Variants in NRAP observed in about 807,000 individuals in gnomAD.
The protein encoded by NRAP is nebulin-related-anchoring protein.
In NRAP, 189 loss-of-function variants were observed where a neutral mutation model predicts 225.9. The observed-to-expected ratio is 0.84, with a 90% confidence interval of 0.74 to 0.94. NRAP has a LOEUF of 0.94. Ranked by LOEUF, NRAP falls within the 40% of genes least tolerant of loss-of-function variation. The probability of loss-of-function intolerance (pLI) is 0.00; values close to 1 mark genes in which losing one functional copy is unlikely to be tolerated. For missense variants in NRAP, 2,176 were observed against 2,168.7 expected, an observed-to-expected ratio of 1.00 and a Z score of -0.07; for synonymous variants, 769 against 790.7, an observed-to-expected ratio of 0.97 and a Z score of 0.46.
chr10:113,617,551 C>A lies in NRAP; in HGVS notation c.2877G>T (p.Lys959Asn). Residue 959 changes from lysine to asparagine, a missense_variant and splice_region_variant, in exon 26 of 42, where the codon AAG (lysine) becomes AAT (asparagine). By Grantham distance (94) the Lys-to-Asn change is moderately conservative (BLOSUM62 0). Around this residue, in one of 3 missense-constraint regions of NRAP, gnomAD observed 1,708 missense variants for 1,695.5 expected, o/e 1.01. Transcript: ENST00000359988. ...AKKAGELISE[K>N]KYRQHPDALK... ...AAGCATCTGGATGCTGACGGTACTT[C>A]TTCTGTTGAGCAGAAAAAGATCAAA... The A allele has an allele frequency of 1.3e-6, 2 of 1,588,602 alleles. No individual in the cohort carries two copies. Among genetic ancestry groups the A allele is most frequent in the Non-Finnish European group, 1.7e-6 (2 of 1,156,760 alleles).
chr10:113,616,543 C>T (rs967654589), intron 26 of NRAP, among the ~76,000 whole-genome samples: 1 of 152,188 alleles, frequency 6.6e-6, no homozygotes, highest in Non-Finnish European at 1.5e-5. Flanking sequence ...CAGTTTGATT[C>T]TGATGGGCTG....
chr10:113,612,280 T>C lies in NRAP; in HGVS notation c.3452A>G (p.Asp1151Gly). The change falls in exon 30 of 42, where the codon GAC becomes GGC. Residue 1151 changes from aspartate to glycine, a missense_variant. Physicochemically the swap from Asp to Gly is moderately conservative, Grantham distance 94. Around this residue, in one of 3 missense-constraint regions of NRAP, gnomAD observed 1,708 missense variants for 1,695.5 expected, o/e 1.01. Transcript: ENST00000359988. ...PLPQYTSLAE[D>G]LRLSCAKKAH... Reference sequence around the variant, plus strand: ...TTTCTTGGCACAGCTCAGCCTCAGGTCTTCTGCCAAGGAAGTGTACTGGGG... The same window carrying C: ...TTTCTTGGCACAGCTCAGCCTCAGGCCTTCTGCCAAGGAAGTGTACTGGGG... The C allele has an allele frequency of 6.2e-7, 1 of 1,614,198 alleles. No homozygotes were observed. The highest frequency in any genetic ancestry group is 8.5e-7 in the Non-Finnish European group (1 of 1,180,026).
At position 113,663,390 on chromosome 10, in the gene NRAP, A is replaced by C. The variant is rs1212950365; in HGVS notation, c.129T>G (p.Asn43Lys). 6.2e-7 allele frequency: 1 copy of C among 1,613,448 alleles called. No individual in the cohort carries two copies. The highest frequency in any genetic ancestry group is 8.5e-7 in the Non-Finnish European group (1 of 1,179,372). ...GCTTTTTCTGGTGACTCACAAAGTT[A>C]TTAACAGACAGCATCATCTTGCAAA... ...CEVCKMMLSVNNFVSHQKKPY... is the reference protein window; with the variant it reads ...CEVCKMMLSVKNFVSHQKKPY... The change falls in exon 2 of 42, where the codon AAT (asparagine) becomes AAG (lysine). Residue 43 changes from asparagine (N) to lysine (K), a missense_variant. Asn to Lys is a moderately conservative substitution (Grantham distance 94, BLOSUM62 0). Around this residue, in one of 3 missense-constraint regions of NRAP, gnomAD observed 1,708 missense variants for 1,695.5 expected, o/e 1.01. Transcript: ENST00000359988.
rs111412276 is a variant in NRAP, at chr10:113,597,187, A to G, written c.4333-3T>C. ...TCTGGTTTTTTACGGTACTTGGTCTATAAGATAAAGACAAAGATTCTCATG... is the reference window on the plus strand; with the variant it reads ...TCTGGTTTTTTACGGTACTTGGTCTGTAAGATAAAGACAAAGATTCTCATG... On this transcript the variant is annotated splice_polypyrimidine_tract_variant and splice_region_variant and intron_variant, in intron 36 of 41. Transcript: ENST00000359988. The G allele has an allele frequency of 5.0e-6, 8 of 1,587,434 alleles. No individual in the cohort carries two copies. Among genetic ancestry groups the G allele is most frequent in the African/African-American group, 4.0e-5 (3 of 74,364 alleles).
chr10:113,595,906 A>T (rs903631034), intron 37 of NRAP, among the ~76,000 whole-genome samples, 179 bp from the exon 38 acceptor site: 1 of 152,218 alleles, frequency 6.6e-6, no homozygotes, highest in Non-Finnish European at 1.5e-5. Flanking sequence ...AGATGCCTTT[A>T]TAGCCAGGGT....
chr10:113,632,431 T>C (rs79925450), intron 16 of NRAP, among the ~76,000 whole-genome samples: 1 of 152,236 alleles, frequency 6.6e-6, no homozygotes, highest in African/African-American at 2.4e-5. Context: ...TTTCTACTCA[T>C]TAACCACAAA....
rs1442957957 is a variant in NRAP at position 113,607,438 on chromosome 10, AAAAG to A, written c.3702+972_3702+975del. ...AAAAAAAAAAAAAAAAAAAAAAAAG[AAAAG>A]AAAGAAAGAAAAGAAAAAGAAAAAA... is the stretch of plus-strand genomic sequence containing the variant. On this transcript the variant is annotated intron_variant, in intron 32 of 41. Transcript: ENST00000359988. 5.5e-4 allele frequency among the ~76,000 whole-genome samples: 75 copies of A among 135,486 alleles called. 1 individual carries two copies. Among genetic ancestry groups the A allele is most frequent in the African/African-American group, 1.8e-3 (69 of 37,338 alleles). The allele number at this position is 135,486 out of a possible 152,430, so 88.9% of individuals were successfully genotyped here.
In NRAP at chr10:113,652,935, T is replaced by G; in HGVS notation, c.570A>C (p.Gln190His). The G allele has an allele frequency of 6.2e-7, 1 of 1,607,760 alleles. No homozygotes were observed. The highest frequency in any genetic ancestry group is 1.7e-5 in the Admixed American group (1 of 59,140). ...GGTGAAAAAGCACCCAGGCACTCACTTGGCTGGCCAGCTGGTTGGCTTTCT... is the reference window on the plus strand; with the variant it reads ...GGTGAAAAAGCACCCAGGCACTCACGTGGCTGGCCAGCTGGTTGGCTTTCT... ...RAKKANQLASQVEYKRGHDER... is the reference protein window; with the variant it reads ...RAKKANQLASHVEYKRGHDER... The change falls in exon 6 of 42, where the codon CAA (glutamine) becomes CAC (histidine). Residue 190 changes from glutamine to histidine, a missense_variant and splice_region_variant. Physicochemically the swap from Gln to His is conservative, Grantham distance 24 (BLOSUM62 0). Coordinates refer to ENST00000359988, the MANE Select transcript of NRAP (RefSeq NM_198060.4).
At chr10:113,624,143 C>T (rs372767576) in intron 22 of NRAP, among the ~76,000 whole-genome samples, 1 of 152,138 alleles carries the variant, frequency 6.6e-6, no homozygotes, top group Non-Finnish European at 1.5e-5. Context: ...GCCTCCTTTC[C>T]CTTTCTGCAT....
At chr10:113,658,602 C>T (rs1034719512) in intron 3 of NRAP, among the ~76,000 whole-genome samples, 5 of 152,008 alleles carry the variant, frequency 3.3e-5, no homozygotes, top group Non-Finnish European at 5.9e-5. Context: ...CAATTTTGGC[C>T]GGGCGCAGTA....
At chr10:113,660,314 G>A (rs1850591082) in intron 3 of NRAP, among the ~76,000 whole-genome samples, 1 of 151,724 alleles carries the variant, frequency 6.6e-6, no homozygotes, top group African/African-American at 2.4e-5. Context: ...ATATAGATGT[G>A]TGTGCACACA....
At chr10:113,640,689 A>AT (rs199614813) in intron 13 of NRAP, among the ~76,000 whole-genome samples, 2,347 of 152,164 alleles carry the variant, frequency 0.015, 59 homozygotes, top group African/African-American at 0.053. Context: ...AGAGTATTTA[A>AT]TTTTTTTTCT....
intron 4 of NRAP, among the ~76,000 whole-genome samples, chr10:113,654,412 T>C (rs552025426): frequency 1.4e-4 from 21 of 150,648 alleles, no homozygotes; most frequent in African/African-American, 5.1e-4. Flanking sequence ...GAAATCACTG[T>C]GGACAGGTAA....
At chr10:113,660,136 A>G (rs1315893113) in intron 3 of NRAP, among the ~76,000 whole-genome samples, 1 of 152,030 alleles carries the variant, frequency 6.6e-6, no homozygotes, top group African/African-American at 2.4e-5. Context: ...ATACATACAT[A>G]TATACACTCA....
chr10:113,597,454 AGT>A (rs1490399282), intron 36 of NRAP, among the ~76,000 whole-genome samples: 4 of 152,226 alleles, frequency 2.6e-5, no homozygotes, highest in Non-Finnish European at 5.9e-5. Context: ...AGTAAAGGGC[AGT>A]ATTCAGCATC....
intron 35 of NRAP, among the ~76,000 whole-genome samples, 195 bp downstream of exon 35, chr10:113,604,414 C>T (rs534761771): frequency 2.4e-4 from 37 of 152,282 alleles, no homozygotes; most frequent in African/African-American, 8.2e-4. Context: ...TGTGCTAGCC[C>T]TCAATAAAGA....
chr10:113,664,011 T>C lies in NRAP; in HGVS notation c.-129A>G. On this transcript the variant is annotated 5_prime_UTR_variant, in exon 1 of 42. Coordinates refer to ENST00000359988, the MANE Select transcript of NRAP (RefSeq NM_198060.4). ...CTGTGGGCACCTCGATCTTTCAGAA[T>C]CCAACTTCCACTTTCCTTTGCTGAC... is the stretch of plus-strand genomic sequence containing the variant. 2.9e-6 allele frequency: 2 copies of C among 693,268 alleles called. No homozygotes were observed. The highest frequency in any genetic ancestry group is 1.7e-5 in the South Asian group (1 of 59,468). 42.9% of individuals were successfully genotyped at this position (693,268 alleles called of 1,614,324 possible). A position where few individuals can be genotyped will look rare whatever the true frequency, so the allele number is the denominator to read the frequency against.
chr10:113,604,405 G>T (rs138369325), intron 35 of NRAP, among the ~76,000 whole-genome samples: 71 of 152,190 alleles, frequency 4.7e-4, no homozygotes, highest in African/African-American at 1.7e-3. Flanking sequence ...GTGAGCCACT[G>T]TGCTAGCCCT....
In NRAP at chr10:113,642,921, G is replaced by A. The variant is rs79109396; in HGVS notation, c.1215+13C>T. On this transcript the variant is annotated intron_variant, in intron 12 of 41. Coordinates refer to ENST00000359988, the MANE Select transcript of NRAP (RefSeq NM_198060.4). ...AACAGTGCCCAAACAAAAGCTTAGC[G>A]TTAACAACTCACATCACTGGTAAAT... 3.9e-5 allele frequency: 56 copies of A among 1,446,524 alleles called. No homozygotes were observed. The highest frequency in any genetic ancestry group is 3.8e-4 in the Admixed American group (23 of 59,768). 89.6% of individuals were successfully genotyped at this position (1,446,524 alleles called of 1,614,324 possible). A position where few individuals can be genotyped will look rare whatever the true frequency, so the allele number is the denominator to read the frequency against.
Sources: allele counts gnomAD v4.1 joint callset (sites outside exome capture counted in the v4.1 genomes callset), GRCh38; gene constraint gnomAD v4.1.1; regional missense constraint gnomAD v4.1.1; transcripts MANE v1.5; gene names NCBI Gene and HGNC (gene_info 2026-07-23, HGNC 2026-07-21).